AKT3: variants seen among roughly 807,000 people sequenced by gnomAD.
AKT3 encodes AKT serine/threonine kinase 3.
A neutral mutation model predicts 65.3 loss-of-function variants in AKT3; 15 were observed. That is an observed-to-expected ratio of 0.23 (90% CI 0.15 to 0.35). The LOEUF is 0.35. Among genes scored for constraint, AKT3 ranks in the 10% least tolerant of loss-of-function variants. The probability of loss-of-function intolerance (pLI) is 1.00; values close to 1 mark genes in which losing one functional copy is unlikely to be tolerated. For missense variants in AKT3, 243 were observed against 576.5 expected, an observed-to-expected ratio of 0.42 and a Z score of 5.92; for synonymous variants, 206 against 183.8, an observed-to-expected ratio of 1.12 and a Z score of -0.98.
intron 2 of AKT3, among the ~76,000 whole-genome samples, chr1:243,821,762 A>G (rs941965681): frequency 8.5e-5 from 13 of 152,254 alleles, no homozygotes; most frequent in Non-Finnish European, 1.9e-4. Context: ...CCAATATAGG[A>G]GCATCAAGAT....
intron 10 of AKT3, among the ~76,000 whole-genome samples, chr1:243,563,489 TTAAC>T (rs1398648732): frequency 6.6e-6 from 1 of 152,218 alleles, no homozygotes; most frequent in African/African-American, 2.4e-5. Flanking sequence ...AAAAATTGAT[TTAAC>T]TGACTATAGC....
At chr1:243,844,242 T>C (rs547528064) in intron 1 of AKT3, among the ~76,000 whole-genome samples, 1 of 152,268 alleles carries the variant, frequency 6.6e-6, no homozygotes, top group East Asian at 1.9e-4. Context: ...AAACTGAGGC[T>C]CACACAGATA....
At chr1:243,619,768 A>G (rs1678599993) in intron 6 of AKT3, among the ~76,000 whole-genome samples, 1 of 98,738 alleles carries the variant, frequency 1.0e-5, no homozygotes, top group South Asian at 2.9e-4. Flanking sequence ...TTGATTACAT[A>G]TTTTGGCTGT....
intron 3 of AKT3, among the ~76,000 whole-genome samples, chr1:243,673,083 T>G (rs1483938664): frequency 6.6e-6 from 1 of 152,232 alleles, no homozygotes; most frequent in Admixed American, 6.5e-5. Context: ...ATAATAGCCA[T>G]GGGCTTTTTA....
chr1:243,709,131 AT>A (rs1685989641), intron 2 of AKT3, among the ~76,000 whole-genome samples: 1 of 151,812 alleles, frequency 6.6e-6, no homozygotes. Context: ...AACTTACCCT[AT>A]ATAATCCAGT....
At chr1:243,613,610 T>C (rs942949192) in intron 8 of AKT3, 61 bp downstream of exon 8, 5 of 1,267,892 alleles carry the variant, frequency 3.9e-6, no homozygotes, top group Admixed American at 4.5e-5. Flanking sequence ...GTATTTTAAG[T>C]AATGTTTTTA....
chr1:243,708,338 A>C (rs1305009567), intron 2 of AKT3, among the ~76,000 whole-genome samples: 2 of 152,048 alleles, frequency 1.3e-5, no homozygotes, highest in Non-Finnish European at 2.9e-5. Flanking sequence ...CTTATAGATA[A>C]TATAAATAGA....
At chr1:243,849,038 C>G (rs1443192776) in intron 1 of AKT3, among the ~76,000 whole-genome samples, 1 of 152,210 alleles carries the variant, frequency 6.6e-6, no homozygotes, top group Non-Finnish European at 1.5e-5. Flanking sequence ...TTCTTTATCT[C>G]TAGGCTAACT....
At chr1:243,693,893 C>CT (rs1371160859) in intron 3 of AKT3, among the ~76,000 whole-genome samples, 2 of 152,068 alleles carry the variant, frequency 1.3e-5, no homozygotes, top group Non-Finnish European at 2.9e-5. Flanking sequence ...AGTCAACTAC[C>CT]TACAGCTACT....
At chr1:243,631,571 G>A (rs191795646) in intron 6 of AKT3, among the ~76,000 whole-genome samples, 2 of 152,290 alleles carry the variant, frequency 1.3e-5, no homozygotes, top group African/African-American at 4.8e-5. Flanking sequence ...TTACAGACAT[G>A]AGCCACCATG....
chr1:243,748,613 C>T (rs1369223967), intron 2 of AKT3, among the ~76,000 whole-genome samples: 1 of 152,006 alleles, frequency 6.6e-6, no homozygotes, highest in Non-Finnish European at 1.5e-5. Flanking sequence ...TGTTAAAGTT[C>T]ACTGAGAAAT....
At chr1:243,620,821 T>G (rs1678693526) in intron 6 of AKT3, among the ~76,000 whole-genome samples, 1 of 152,164 alleles carries the variant, frequency 6.6e-6, no homozygotes, top group South Asian at 2.1e-4. Context: ...AAATATTCCT[T>G]AGATGAAGGC....
At chr1:243,808,635 A>G (rs971205838) in intron 2 of AKT3, among the ~76,000 whole-genome samples, 2 of 152,194 alleles carry the variant, frequency 1.3e-5, no homozygotes, top group African/African-American at 4.8e-5. Context: ...AACTTCCCCA[A>G]TCCAGCAAGG....
intron 8 of AKT3, among the ~76,000 whole-genome samples, chr1:243,581,677 T>C (rs1359588109): frequency 6.6e-6 from 1 of 152,038 alleles, no homozygotes; most frequent in Non-Finnish European, 1.5e-5. Context: ...ATTCCAGCAC[T>C]ATGAAAAATC....
chr1:243,647,033 T>A (rs1258334035), intron 4 of AKT3, among the ~76,000 whole-genome samples: 1 of 152,214 alleles, frequency 6.6e-6, no homozygotes, highest in African/African-American at 2.4e-5. Context: ...ATAGATGAAT[T>A]TTGGGAAAAC....
intron 2 of AKT3, among the ~76,000 whole-genome samples, chr1:243,720,038 C>G (rs886525192): frequency 6.6e-6 from 1 of 152,094 alleles, no homozygotes; most frequent in Non-Finnish European, 1.5e-5. Context: ...GGTGGCCGGG[C>G]GCGGTGCCTC....
At chr1:243,750,825 G>T (rs1688767429) in intron 2 of AKT3, among the ~76,000 whole-genome samples, 2 of 151,906 alleles carry the variant, frequency 1.3e-5, no homozygotes, top group South Asian at 4.2e-4. Context: ...CCGGTGATCT[G>T]CCCGCCTCGG....
intron 2 of AKT3, among the ~76,000 whole-genome samples, chr1:243,803,152 T>C (rs34477525): frequency 6.6e-6 from 1 of 151,776 alleles, no homozygotes; most frequent in South Asian, 2.1e-4. Flanking sequence ...TAATTTTTTT[T>C]AAAAAATTAT....
At chr1:243,609,815 A>G (rs1677734377) in intron 8 of AKT3, among the ~76,000 whole-genome samples, 1 of 152,210 alleles carries the variant, frequency 6.6e-6, no homozygotes, top group Non-Finnish European at 1.5e-5. Context: ...ATCTGCTTTT[A>G]GTGTAAAATT....
Sources: allele counts gnomAD v4.1 joint callset (sites outside exome capture counted in the v4.1 genomes callset), GRCh38; gene constraint gnomAD v4.1.1; transcripts MANE v1.5; gene names NCBI Gene and HGNC (gene_info 2026-07-23, HGNC 2026-07-21).